Variants in CLCN5 observed in about 807,000 individuals in gnomAD.
The protein encoded by CLCN5 is Cl-/H+ antiporter 5, also known as H(+)/Cl(-) exchange transporter 5.
CLCN5 carries 17 observed loss-of-function variants against 54.0 expected under a neutral mutation model. The observed-to-expected ratio is 0.31, with a 90% CI of 0.22 to 0.47. The LOEUF (loss-of-function observed/expected upper bound fraction) is 0.47. Ranked by LOEUF, CLCN5 falls within the 20% of genes least tolerant of loss-of-function variation. CLCN5 has a pLI of 1.00. For missense variants in CLCN5, 448 were observed against 646.7 expected, an observed-to-expected ratio of 0.69 and a Z score of 3.33; for synonymous variants, 222 against 233.0, an observed-to-expected ratio of 0.95 and a Z score of 0.43.
intron 7 of CLCN5, among the ~76,000 whole-genome samples, chrX:50,080,256 GACATGGAATCATATAT>G (rs1434092259): frequency 4.5e-5 from 5 of 111,057 alleles, no homozygotes; most frequent in African/African-American, 1.6e-4. Flanking sequence ...TTGGTAAAAT[GACATGGAATCATATAT>G]ATTTGACTAC....
At chrX:49,956,194 C>A (rs1251288832) in intron 3 of CLCN5, among the ~76,000 whole-genome samples, 1 of 111,632 alleles carries the variant, frequency 9.0e-6, no homozygotes, top group Admixed American at 9.5e-5. Context: ...ATTGTCTTAC[C>A]TTTGATCTAG....
intron 3 of CLCN5, among the ~76,000 whole-genome samples, chrX:49,928,050 A>C (rs1300410379): frequency 1.8e-5 from 2 of 112,231 alleles, no homozygotes; most frequent in Non-Finnish European, 3.8e-5. Flanking sequence ...AATGGTTATA[A>C]ACATACAGCT....
At chrX:50,031,663 T>A (rs1207909734) in intron 3 of CLCN5, among the ~76,000 whole-genome samples, 1 of 110,902 alleles carries the variant, frequency 9.0e-6, no homozygotes, top group Admixed American at 9.6e-5. Context: ...ATTTGAGTAT[T>A]GTGACATTTA....
intron 3 of CLCN5, among the ~76,000 whole-genome samples, chrX:49,945,810 G>T (rs1926700843): frequency 9.5e-6 from 1 of 105,726 alleles, no homozygotes; most frequent in Non-Finnish European, 1.9e-5. Flanking sequence ...AGGCTGGAGT[G>T]CAGTGGCACG....
At chrX:50,003,149 G>A (rs377736339) in intron 3 of CLCN5, 9 of 382,949 alleles carry the variant, frequency 2.4e-5, no homozygotes, top group Non-Finnish European at 4.7e-5. Flanking sequence ...CAGACCTCCC[G>A]ACTTGCTTTC....
At chrX:50,073,623 C>T (rs1166728863) in intron 6 of CLCN5, among the ~76,000 whole-genome samples, 3 of 112,009 alleles carry the variant, frequency 2.7e-5, no homozygotes, top group Non-Finnish European at 5.6e-5. Flanking sequence ...GAGAATAATT[C>T]ATGAGCCATG....
rs1927351989 is a variant in CLCN5 at position 49,956,919 on chromosome X, G to T, written c.16+31605G>T. Among the ~76,000 whole-genome samples, 3 of 111,552 alleles carry T rather than the reference G, an allele frequency of 2.7e-5. No homozygotes were observed. In the Admixed American group the frequency reaches 2.9e-4, roughly 11 times the overall value. ...TGTCTCCATTAAAATTTGGCCCTCA[G>T]GAATTGACTTGGTCCTGTATAGGCA... On this transcript the variant is annotated intron_variant, in intron 3 of 14. Coordinates refer to ENST00000376091, the MANE Select transcript of CLCN5 (RefSeq NM_001127898.4).
chrX:49,962,470 G>A (rs1557174845), intron 3 of CLCN5, among the ~76,000 whole-genome samples: 2 of 111,500 alleles, frequency 1.8e-5, no homozygotes, highest in East Asian at 2.8e-4. Flanking sequence ...TAGCAGCGGC[G>A]AATCCCTAAT....
chrX:50,012,712 G>A (rs782110626), intron 3 of CLCN5, among the ~76,000 whole-genome samples: 1 of 111,429 alleles, frequency 9.0e-6, no homozygotes, highest in South Asian at 3.8e-4. Context: ...GTGGTCCCTG[G>A]GCCAGCAGCA....
intron 3 of CLCN5, among the ~76,000 whole-genome samples, chrX:49,931,392 T>G (rs887588539): frequency 8.9e-6 from 1 of 112,239 alleles, no homozygotes. Flanking sequence ...ACTTTATTTT[T>G]GCTTACATGT....
intron 3 of CLCN5, chrX:50,003,563 A>G (rs1557180934): frequency 2.7e-6 from 1 of 375,932 alleles, no homozygotes; most frequent in South Asian, 2.5e-5. Flanking sequence ...CCCCTCCCAC[A>G]TGCAGGGTTT....
rs140419387 is a variant in CLCN5 at position 50,041,989 on chromosome X, C to T, written c.17-327C>T. Reference sequence around the variant, plus strand: ...ACATGGATGGATGTTGAAAATATTACGCTAAGTGAAAGAAACCAGACACAA... The same window carrying T: ...ACATGGATGGATGTTGAAAATATTATGCTAAGTGAAAGAAACCAGACACAA... On this transcript the variant is annotated intron_variant, in intron 3 of 14. Transcript: ENST00000376091. Among the ~76,000 whole-genome samples, 288 of 111,933 alleles carry T rather than the reference C, an allele frequency of 2.6e-3. 1 individual carries two copies. The highest frequency in any genetic ancestry group is 0.018 in the Middle Eastern group (4 of 217).
At chrX:49,981,716 A>C (rs1290842202) in intron 3 of CLCN5, among the ~76,000 whole-genome samples, 1 of 107,775 alleles carries the variant, frequency 9.3e-6, no homozygotes, top group Non-Finnish European at 1.9e-5. Flanking sequence ...TTTGAGAGTG[A>C]AAAGCAAAAG....
intron 6 of CLCN5, among the ~76,000 whole-genome samples, chrX:50,073,848 G>T (rs1933310764): frequency 8.9e-6 from 1 of 111,799 alleles, no homozygotes. Context: ...GCCCAGCTGT[G>T]ACCAGAAAAA....
chrX:50,045,105 G>T (rs782213836), intron 4 of CLCN5, among the ~76,000 whole-genome samples: 1 of 111,538 alleles, frequency 9.0e-6, no homozygotes, highest in African/African-American at 3.3e-5. Flanking sequence ...AGTTAGGAAG[G>T]TCAGGGAAGG....
intron 3 of CLCN5, among the ~76,000 whole-genome samples, chrX:49,945,734 A>G (rs1926692270): frequency 9.9e-6 from 1 of 101,222 alleles, no homozygotes; most frequent in Non-Finnish European, 2.0e-5. Context: ...CATTACAGGC[A>G]TGAGCCACCG....
chrX:50,079,390 G>T (rs1933580500), intron 7 of CLCN5, among the ~76,000 whole-genome samples: 1 of 111,873 alleles, frequency 8.9e-6, no homozygotes, highest in African/African-American at 3.2e-5. Context: ...AAAGTCCATT[G>T]GGTTTTGTAT....
At chrX:49,999,543 C>T (rs1557180067) in intron 3 of CLCN5, among the ~76,000 whole-genome samples, 4 of 109,986 alleles carry the variant, frequency 3.6e-5, no homozygotes, top group Non-Finnish European at 5.7e-5. Flanking sequence ...ATGAATCCTT[C>T]GGCCTGTTAG....
chrX:49,964,468 T>C (rs1370320601), intron 3 of CLCN5, among the ~76,000 whole-genome samples: 1 of 111,610 alleles, frequency 9.0e-6, no homozygotes, highest in Non-Finnish European at 1.9e-5. Flanking sequence ...AGAAACTGAG[T>C]CACACAGAGA....
Sources: gnomAD v4.1 joint callset for allele counts (sites outside exome capture counted in the v4.1 genomes callset) on GRCh38, gnomAD v4.1.1 for gene constraint, MANE v1.5 for transcripts, NCBI Gene and HGNC (gene_info 2026-07-23, HGNC 2026-07-21) for gene names.